Variants in FRAS1 observed in about 807,000 individuals in gnomAD.
FRAS1 encodes the protein Fraser extracellular matrix complex subunit 1, also known as extracellular matrix organizing protein FRAS1.
Under a neutral mutation model 435.2 loss-of-function variants are expected in FRAS1, and 290 were observed. The observed-to-expected ratio is 0.67, with a 90% CI of 0.61 to 0.73. FRAS1 has a LOEUF of 0.73. FRAS1 is among the 30% of genes least tolerant of loss of function. The probability of loss-of-function intolerance (pLI) is 0.00; values close to 1 mark genes in which losing one functional copy is unlikely to be tolerated. For synonymous variants in FRAS1, 1,800 were observed against 1,851.0 expected, an observed-to-expected ratio of 0.97 and a Z score of 0.71; for missense variants, 4,860 against 5,001.5, an observed-to-expected ratio of 0.97 and a Z score of 0.85.
intron 6 of FRAS1, among the ~76,000 whole-genome samples, chr4:78,261,517 C>T (rs1262043965): frequency 6.6e-6 from 1 of 152,104 alleles, no homozygotes; most frequent in East Asian, 1.9e-4. Flanking sequence ...TCCCCCTGCG[C>T]TTCTACCTTG....
intron 9 of FRAS1, among the ~76,000 whole-genome samples, chr4:78,277,457 C>T (rs571100478): frequency 9.2e-5 from 14 of 152,154 alleles, no homozygotes; most frequent in East Asian, 3.9e-4. Context: ...ATCTTGGAAC[C>T]GCCCCCCCCA....
Position 78,267,250 on chromosome 4 carries a change from A to C in FRAS1, c.799A>C (p.Arg267=). ...CCTCTCTGTGTCCTAGGGTCAGAGC[A>C]GGGCTCGGCGTCATGGGCAATGCTG... ...LPLRCGKGQS[R]ARRHGQCCEE... Residue 267 remains arginine, a synonymous_variant, in exon 9 of 74, where the codon AGG becomes CGG. Coordinates refer to ENST00000512123, the MANE Select transcript of FRAS1 (RefSeq NM_025074.7). The C allele has an allele frequency of 6.2e-7, 1 of 1,613,562 alleles. No individual in the cohort carries two copies. Among genetic ancestry groups the C allele is most frequent in the Non-Finnish European group, 8.5e-7 (1 of 1,179,726 alleles).
At chr4:78,280,519 A>C (rs1727281450) in intron 10 of FRAS1, among the ~76,000 whole-genome samples, 1 of 151,812 alleles carries the variant, frequency 6.6e-6, no homozygotes, top group Admixed American at 6.6e-5. Flanking sequence ...AAACTGCAGG[A>C]AGTGAAACAT....
At chr4:78,342,312 C>A (rs1442530574) in intron 20 of FRAS1, among the ~76,000 whole-genome samples, 1 of 152,184 alleles carries the variant, frequency 6.6e-6, no homozygotes, top group Non-Finnish European at 1.5e-5. Flanking sequence ...CAAGAGTAAA[C>A]CCATCCTGGG....
chr4:78,092,241 G>A (rs1392266924), intron 2 of FRAS1, among the ~76,000 whole-genome samples: 1 of 152,140 alleles, frequency 6.6e-6, no homozygotes, highest in Non-Finnish European at 1.5e-5. Flanking sequence ...CACAACTCAG[G>A]TCTCTGTCCT....
intron 2 of FRAS1, among the ~76,000 whole-genome samples, chr4:78,145,512 A>G (rs1720379472): frequency 1.3e-5 from 2 of 152,132 alleles, no homozygotes; most frequent in South Asian, 4.1e-4. Flanking sequence ...ATCTGAGAGA[A>G]CAACTCTGAG....
chr4:78,192,526 T>C (rs1722590108), intron 2 of FRAS1, among the ~76,000 whole-genome samples: 2 of 152,266 alleles, frequency 1.3e-5, no homozygotes, highest in Admixed American at 6.5e-5. Flanking sequence ...GAAGAATTTA[T>C]CCATTTCCTC....
chr4:78,338,269 G>T (rs1730256893), intron 20 of FRAS1, among the ~76,000 whole-genome samples: 1 of 149,168 alleles, frequency 6.7e-6, no homozygotes, highest in Admixed American at 6.6e-5. Context: ...TAGGAGATGG[G>T]ATTTTTTTTT....
At chr4:78,413,420 T>TC (rs996691355) in intron 32 of FRAS1, among the ~76,000 whole-genome samples, 6 of 152,140 alleles carry the variant, frequency 3.9e-5, no homozygotes, top group African/African-American at 1.4e-4. Flanking sequence ...GTATCATTGG[T>TC]CCCCCAGTTA....
intron 18 of FRAS1, among the ~76,000 whole-genome samples, chr4:78,322,516 A>G (rs1218924411): frequency 6.6e-6 from 1 of 152,220 alleles, no homozygotes; most frequent in Non-Finnish European, 1.5e-5. Context: ...TTGAGACTAC[A>G]GCACAGAGTG....
At chr4:78,431,576 G>C (rs1371751672) in intron 37 of FRAS1, among the ~76,000 whole-genome samples, 2 of 152,146 alleles carry the variant, frequency 1.3e-5, no homozygotes, top group Non-Finnish European at 1.5e-5. Context: ...AAAAGATAGA[G>C]TTGAATATAA....
intron 2 of FRAS1, among the ~76,000 whole-genome samples, chr4:78,101,342 A>AT (rs898975833): frequency 1.3e-5 from 2 of 151,930 alleles, no homozygotes; most frequent in African/African-American, 2.4e-5. Flanking sequence ...GTTTTTCTTT[A>AT]TTTTTTTCAC....
At chr4:78,279,202 A>ATTCC (rs1227837646) in intron 10 of FRAS1, among the ~76,000 whole-genome samples, 9 of 152,208 alleles carry the variant, frequency 5.9e-5, no homozygotes, top group Non-Finnish European at 1.3e-4. Flanking sequence ...GGATCAGGAA[A>ATTCC]TGCAAAGGCA....
Position 78,333,335 on chromosome 4 carries a change from C to T in FRAS1, c.2201C>T (p.Pro734Leu). 1 of 1,612,562 alleles carries T rather than the reference C, an allele frequency of 6.2e-7. No individual in the cohort carries two copies. The highest frequency in any genetic ancestry group is 8.5e-7 in the Non-Finnish European group (1 of 1,179,332). Residue 734 changes from proline to leucine, a missense_variant, in exon 19 of 74, where the codon CCT becomes CTT. Physicochemically the swap from Pro to Leu is moderately conservative, Grantham distance 98. Transcript: ENST00000512123. ...CCACATAACTGCACAGACTGTGGGC[C>T]TTCCCATGTGCTGTTGGATGGGCAG... The part of the protein sequence containing the change: ...KSPHNCTDCG[P>L]SHVLLDGQCL...
At chr4:78,314,224 A>G (rs769445855) in intron 15 of FRAS1, among the ~76,000 whole-genome samples, 9 of 151,748 alleles carry the variant, frequency 5.9e-5, no homozygotes, top group South Asian at 2.1e-4. Context: ...GTATATGATG[A>G]CCCCATACCT....
At chr4:78,245,596 CT>C (rs1013270236) in intron 4 of FRAS1, among the ~76,000 whole-genome samples, 4 of 152,148 alleles carry the variant, frequency 2.6e-5, no homozygotes, top group Admixed American at 1.3e-4. Flanking sequence ...TACCTCCCTC[CT>C]TTTATGTACT....
chr4:78,174,680 A>G lies in FRAS1; in HGVS notation c.109-62830A>G, dbSNP rs117775822. On this transcript the variant is annotated intron_variant, in intron 2 of 73. Transcript: ENST00000512123. ...ATCTTCATGCATTAAAGTCACCTGGAATATAATTTGTCCTGGGGATAAAAT... is the reference window on the plus strand; with the variant it reads ...ATCTTCATGCATTAAAGTCACCTGGGATATAATTTGTCCTGGGGATAAAAT... Among the ~76,000 whole-genome samples the G allele has an allele frequency of 3.7e-4, 56 of 152,334 alleles. No individual in the cohort carries two copies. In the East Asian group the frequency reaches 0.01, roughly 28 times the overall value.
intron 61 of FRAS1, 50 bp from the exon 62 acceptor site, chr4:78,507,371 G>A: frequency 1.3e-6 from 2 of 1,521,402 alleles, no homozygotes; most frequent in South Asian, 1.3e-5. Flanking sequence ...TCTCTTGGGT[G>A]TGTTTCCTAA....
intron 41 of FRAS1, among the ~76,000 whole-genome samples, chr4:78,443,617 G>C (rs960128686): frequency 3.9e-5 from 6 of 152,232 alleles, no homozygotes; most frequent in Non-Finnish European, 8.8e-5. Flanking sequence ...ATGATCGCCT[G>C]TGCGCATCAA....
Sources: gnomAD v4.1 joint callset for allele counts (sites outside exome capture counted in the v4.1 genomes callset) on GRCh38, gnomAD v4.1.1 for gene constraint, MANE v1.5 for transcripts, NCBI Gene and HGNC (gene_info 2026-07-23, HGNC 2026-07-21) for gene names.